Variants in STAG3 observed in about 807,000 individuals in gnomAD.
STAG3 encodes STAG3 cohesin complex component, also known as cohesin subunit SA-3.
STAG3 carries 101 observed loss-of-function variants against 160.7 expected under a neutral mutation model. The observed-to-expected ratio is 0.63, with a 90% confidence interval of 0.54 to 0.74. The LOEUF is 0.74. Among genes scored for constraint, STAG3 ranks in the 30% least tolerant of loss-of-function variants. STAG3 has a pLI of 0.00. For synonymous variants in STAG3, 519 were observed against 585.0 expected (o/e 0.89, Z 1.63); for missense variants, 1,188 against 1,517.4 (o/e 0.78, Z 3.61).
At chr7:100,183,186 G>A (rs1799764647) in intron 4 of STAG3, among the ~76,000 whole-genome samples, 1 of 152,074 alleles carries the variant, frequency 6.6e-6, no homozygotes, top group East Asian at 1.9e-4. Flanking sequence ...GCTACTTTTT[G>A]TATTTTTAGT....
chr7:100,211,933 G>C, intron 32 of STAG3, 57 bp downstream of exon 32: 1 of 1,549,006 alleles, frequency 6.5e-7, no homozygotes, highest in South Asian at 1.1e-5. Context: ...GTGCCAAAGA[G>C]AAGCCAGGGT....
chr7:100,204,297 AACTG>A (rs993283582), intron 26 of STAG3, among the ~76,000 whole-genome samples, 175 bp downstream of exon 26: 1 of 151,932 alleles, frequency 6.6e-6, no homozygotes, highest in African/African-American at 2.4e-5. Flanking sequence ...TTTTTTTTTT[AACTG>A]ACTGGGCAAC....
downstream of STAG3, among the ~76,000 whole-genome samples, chr7:100,217,583 C>A (rs1251813778): frequency 6.6e-6 from 1 of 152,176 alleles, no homozygotes; most frequent in African/African-American, 2.4e-5. Context: ...CACCTAGACG[C>A]GGAGACCAGT....
chr7:100,197,656 C>T, intron 10 of STAG3, 122 bp from the exon 11 acceptor site: 1 of 825,706 alleles, frequency 1.2e-6, no homozygotes, highest in South Asian at 1.4e-5. Context: ...CTTAAGAGTC[C>T]TCAGTAGAGG....
chr7:100,201,487 C>A, intron 21 of STAG3, 136 bp downstream of exon 21: 1 of 721,654 alleles, frequency 1.4e-6, no homozygotes, highest in South Asian at 1.7e-5. Flanking sequence ...GGGTGGGGGT[C>A]ACCTCTTACA....
In STAG3 at chr7:100,181,901, C is replaced by CA. The variant is rs3041317; in HGVS notation, c.117-171dup. Among the ~76,000 whole-genome samples, 409 of 70,100 alleles carry CA rather than the reference C, an allele frequency of 5.8e-3. 1 individual carries two copies. Among genetic ancestry groups the CA allele is most frequent in the African/African-American group, 0.016 (246 of 15,086 alleles). The allele number at this position is 70,100 out of a possible 152,430, so 46.0% of individuals were successfully genotyped here. A position where few individuals can be genotyped will look rare whatever the true frequency, so the allele number is the denominator to read the frequency against. ...GGGTGACAAGGGTGAAACTCCGTCTCAAAAAAAAAAAAAAAAAAGACTTTG... is the reference window on the plus strand; with the variant it reads ...GGGTGACAAGGGTGAAACTCCGTCTCAAAAAAAAAAAAAAAAAAAGACTTTG... On this transcript the variant is annotated intron_variant, in intron 2 of 33. Coordinates refer to ENST00000615138, the MANE Select transcript of STAG3 (RefSeq NM_001282717.2).
chr7:100,196,070 G>A (rs1432902257), intron 9 of STAG3, among the ~76,000 whole-genome samples: 6 of 151,684 alleles, frequency 4.0e-5, no homozygotes, highest in African/African-American at 9.7e-5. Flanking sequence ...TGGAGGTTGC[G>A]GTGAGCTGAG....
Position 100,205,314 on chromosome 7 carries a change from C to T in STAG3, c.3168C>T (p.Leu1056=). ...WGPVTTYCHS[L]SPVENTAETS... ...CAGTCACCACCTACTGCCACTCCCT[C>T]AGCCCTGTGGAGAACACAGCAGAGA... Residue 1056 remains leucine (L), a synonymous_variant, in exon 29 of 34, where the codon CTC becomes CTT. Coordinates refer to ENST00000615138, the MANE Select transcript of STAG3 (RefSeq NM_001282717.2). The T allele has an allele frequency of 6.2e-7, 1 of 1,614,174 alleles. No individual in the cohort carries two copies. Among genetic ancestry groups the T allele is most frequent in the Non-Finnish European group, 8.5e-7 (1 of 1,180,046 alleles).
chr7:100,208,950 G>C (rs1801914306), intron 29 of STAG3, among the ~76,000 whole-genome samples: 1 of 152,182 alleles, frequency 6.6e-6, no homozygotes, highest in African/African-American at 2.4e-5. Context: ...AATTTTAACA[G>C]GTTTATTTGA....
chr7:100,198,587 G>A lies in STAG3; in HGVS notation c.1352+5G>A, dbSNP rs1800845263. On this transcript the variant is annotated splice_donor_5th_base_variant and intron_variant, in intron 13 of 33. Coordinates refer to ENST00000615138, the MANE Select transcript of STAG3 (RefSeq NM_001282717.2). ...AGGCGAATTTCTGTACTGGAAGTGA[G>A]TGGGGCTCCTTTTATGTTTCTTTAA... is the stretch of plus-strand genomic sequence containing the variant. 3 of 1,612,420 alleles carry A rather than the reference G, an allele frequency of 1.9e-6. No homozygotes were observed. Among genetic ancestry groups the A allele is most frequent in the Non-Finnish European group, 1.7e-6 (2 of 1,179,180 alleles).
intron 2 of STAG3, among the ~76,000 whole-genome samples, chr7:100,181,225 G>A (rs1461153797): frequency 6.6e-6 from 1 of 152,098 alleles, no homozygotes; most frequent in African/African-American, 2.4e-5. Flanking sequence ...TTTATTCTGT[G>A]TAGGTTATAA....
In STAG3 at chr7:100,213,808, TGA is replaced by T; in HGVS notation, c.3672+4_3672+5del. ...GATTCTACAGAGCTGGATATTGAGG[TGA>T]GTGTCCCCAGAGCAGGAGTTATGTA... On this transcript the variant is annotated splice_donor_region_variant and intron_variant, in intron 33 of 33. Transcript: ENST00000615138. 1 of 1,614,150 alleles carries T rather than the reference TGA, an allele frequency of 6.2e-7. No individual in the cohort carries two copies. Among genetic ancestry groups the T allele is most frequent in the Non-Finnish European group, 8.5e-7 (1 of 1,180,022 alleles).
intron 1 of STAG3, among the ~76,000 whole-genome samples, chr7:100,178,365 G>A (rs1362355815): frequency 3.3e-5 from 5 of 152,122 alleles, no homozygotes; most frequent in Non-Finnish European, 7.3e-5. Flanking sequence ...ATCCTTAAGA[G>A]CCTCCTGTTC....
chr7:100,186,835 C>T (rs1290851027), intron 5 of STAG3, among the ~76,000 whole-genome samples: 3 of 152,190 alleles, frequency 2.0e-5, no homozygotes, highest in South Asian at 4.1e-4. Context: ...AATTTGAAGA[C>T]ACCCTTTGGT....
At position 100,198,854 on chromosome 7, in the gene STAG3, C is replaced by A; in HGVS notation, c.1364C>A (p.Pro455His). 6.2e-7 allele frequency: 1 copy of A among 1,612,202 alleles called. No individual in the cohort carries two copies. The highest frequency in any genetic ancestry group is 8.5e-7 in the Non-Finnish European group (1 of 1,180,006). Residue 455 changes from proline to histidine, a missense_variant, in exon 14 of 34, where the codon CCT becomes CAT. This residue lies in a region of STAG3 where 240 missense variants were observed against 358.1 expected (regional missense o/e 0.67). Coordinates refer to ENST00000615138, the MANE Select transcript of STAG3 (RefSeq NM_001282717.2). Reference sequence around the variant, plus strand: ...GTCCATTCCACCAGACTCTTCTACCCTGAGTGCGAGATAAGAATGATGGGT... The same window carrying A: ...GTCCATTCCACCAGACTCTTCTACCATGAGTGCGAGATAAGAATGATGGGT... ...GEFLYWKLFY[P>H]ECEIRMMGGR...
chr7:100,211,826 G>C lies in STAG3; in HGVS notation c.3550G>C (p.Glu1184Gln), dbSNP rs752098175. 5.6e-6 allele frequency: 9 copies of C among 1,614,040 alleles called. No homozygotes were observed. In the Admixed American group the frequency reaches 1.3e-4, roughly 24 times the overall value. ...CCTTATGGAAGAGGACGAGGAAGAAGAGTTAGAAATCCAGGATGAGTCAAA... is the reference window on the plus strand; with the variant it reads ...CCTTATGGAAGAGGACGAGGAAGAACAGTTAGAAATCCAGGATGAGTCAAA... ...LSLMEEDEEE[E>Q]LEIQDESNEE... Residue 1184 changes from glutamate to glutamine, a missense_variant, in exon 32 of 34, where the codon GAG (glutamate) becomes CAG (glutamine). Glu to Gln is a conservative substitution (Grantham distance 29). Coordinates refer to ENST00000615138, the MANE Select transcript of STAG3 (RefSeq NM_001282717.2).
chr7:100,213,069 G>C (rs1008647452), intron 32 of STAG3: 2 of 155,724 alleles, frequency 1.3e-5, no homozygotes, highest in African/African-American at 4.8e-5. Flanking sequence ...TGAAGTCCAA[G>C]GGTTGGGTTC....
intron 23 of STAG3, 62 bp from the exon 24 acceptor site, chr7:100,202,110 G>C (rs1801192179): frequency 1.2e-6 from 2 of 1,608,830 alleles, no homozygotes; most frequent in Non-Finnish European, 1.7e-6. Flanking sequence ...GAAATTGACA[G>C]TGTCATTTCT....
intron 32 of STAG3, 30 bp from the exon 33 acceptor site, chr7:100,213,705 C>G: frequency 1.2e-6 from 2 of 1,614,032 alleles, no homozygotes; most frequent in Non-Finnish European, 1.7e-6. Context: ...GTGTAAAGGC[C>G]TTTTTGACTT....
Sources: gnomAD v4.1 joint callset for allele counts (sites outside exome capture counted in the v4.1 genomes callset) on GRCh38, gnomAD v4.1.1 for gene constraint, gnomAD v4.1.1 regional missense constraint, MANE v1.5 for transcripts, NCBI Gene and HGNC (gene_info 2026-07-23, HGNC 2026-07-21) for gene names.